The following MAGEA1 variants were observed in gnomAD, a reference collection of about 807,000 sequenced individuals.
MAGEA1 encodes the protein MAGE family member A1.
For missense variants in MAGEA1, 182 were observed against 233.7 expected (o/e 0.78, Z 1.44); for synonymous variants, 101 against 96.7 (o/e 1.04, Z -0.26).
intron 1 of MAGEA1, among the ~76,000 whole-genome samples, chrX:153,180,612 T>G (rs1163097654): frequency 2.7e-5 from 3 of 111,296 alleles, no homozygotes; most frequent in Non-Finnish European, 5.7e-5. Context: ...TGTCTGAGAC[T>G]GAGGCTGCCA....
chrX:153,182,443 C>T lies in MAGEA1; in HGVS notation c.54C>T (p.Ala18=). ...GCAAGCCTGAGGAAGCCCTTGAGGCCCAACAAGAGGCCCTGGGCCTGGTGT... is the reference window on the plus strand; with the variant it reads ...GCAAGCCTGAGGAAGCCCTTGAGGCTCAACAAGAGGCCCTGGGCCTGGTGT... ...LHCKPEEALE[A]QQEALGLVCV... The change falls in exon 3 of 3, where the codon GCC becomes GCT. Residue 18 remains alanine (A), a synonymous_variant. Transcript: ENST00000356661. The T allele has an allele frequency of 2.5e-6, 3 of 1,211,025 alleles. No individual in the cohort carries two copies. Among genetic ancestry groups the T allele is most frequent in the South Asian group, 3.5e-5 (2 of 56,811 alleles).
chrX:153,180,405 A>T (rs1359929918), intron 1 of MAGEA1, among the ~76,000 whole-genome samples: 1 of 109,920 alleles, frequency 9.1e-6, no homozygotes, highest in Non-Finnish European at 1.9e-5. Context: ...CCTACCCCCA[A>T]CCTCATCTTG....
rs782734083 is a variant in MAGEA1 at position 153,182,940 on chromosome X, G to C, written c.551G>C (p.Gly184Ala). 1 of 1,210,121 alleles carries C rather than the reference G, an allele frequency of 8.3e-7. No individual in the cohort carries two copies. Among genetic ancestry groups the C allele is most frequent in the Non-Finnish European group, 1.1e-6 (1 of 895,284 alleles). Residue 184 changes from glycine to alanine, a missense_variant, in exon 3 of 3, where the codon GGT (glycine) becomes GCT (alanine). Transcript: ENST00000356661. ...GGTCTCTCCTATGATGGCCTGCTGG[G>C]TGATAATCAGATCATGCCCAAGACA... ...CLGLSYDGLL[G>A]DNQIMPKTGF...
chrX:153,180,871 G>A (rs1201189618), intron 1 of MAGEA1, among the ~76,000 whole-genome samples: 1 of 111,563 alleles, frequency 9.0e-6, no homozygotes, highest in Non-Finnish European at 1.9e-5. Context: ...AGAGGGAGGA[G>A]TTCCAGGATC....
intron 1 of MAGEA1, among the ~76,000 whole-genome samples, chrX:153,180,247 T>C (rs1556943766): frequency 2.7e-5 from 3 of 110,317 alleles, no homozygotes. Context: ...CGGGGCAGGG[T>C]TGGTCAGGAG....
intron 1 of MAGEA1, among the ~76,000 whole-genome samples, chrX:153,181,328 C>T (rs950403196): frequency 3.6e-5 from 4 of 111,123 alleles, no homozygotes; most frequent in Non-Finnish European, 7.6e-5. Flanking sequence ...AAAGACAGAG[C>T]GGTCCCAGGA....
rs782390064 is a variant in MAGEA1 at position 153,182,494 on chromosome X, C to T, written c.105C>T (p.Ser35=). 1 of 1,211,411 alleles carries T rather than the reference C, an allele frequency of 8.3e-7. No individual in the cohort carries two copies. Among genetic ancestry groups the T allele is most frequent in the South Asian group, 1.8e-5 (1 of 56,976 alleles). The change falls in exon 3 of 3, where the codon TCC becomes TCT. Residue 35 remains serine (S), a synonymous_variant. Transcript: ENST00000356661. The stretch of plus-strand genomic sequence containing the variant: ...GTGTGCAGGCTGCCACCTCCTCCTC[C>T]TCTCCTCTGGTCCTGGGCACCCTGG... ...LVCVQAATSS[S]SPLVLGTLEE...
chrX:153,183,202 C>T lies in MAGEA1; in HGVS notation c.813C>T (p.Leu271=), dbSNP rs2233045. 0.13 allele frequency: 161,553 copies of T among 1,210,339 alleles called. 7,592 individuals are homozygous for T. The highest frequency in any genetic ancestry group is 0.2 in the South Asian group (11,381 of 56,835). The change falls in exon 3 of 3, where the codon CTC becomes CTT. Residue 271 remains leucine (L), a synonymous_variant. Transcript: ENST00000356661. The stretch of plus-strand genomic sequence containing the variant: ...AGTTCCTGTGGGGTCCAAGGGCCCT[C>T]GCTGAAACCAGCTATGTGAAAGTCC... ...RYEFLWGPRA[L]AETSYVKVLE...
chrX:153,180,131 A>T (rs2051485144), intron 1 of MAGEA1, among the ~76,000 whole-genome samples: 2 of 111,069 alleles, frequency 1.8e-5, no homozygotes, highest in Non-Finnish European at 3.8e-5. Context: ...CCCTGCTGCC[A>T]GCCCTGGACC....
At position 153,180,185 on chromosome X, in the gene MAGEA1, G is replaced by A. The variant is rs782464506; in HGVS notation, c.-139+820G>A. Among the ~76,000 whole-genome samples the A allele has an allele frequency of 9.0e-5, 10 of 111,104 alleles. No homozygotes were observed. The South Asian group carries it at 1.2e-3, about 13-fold the overall frequency. ...TCTCAGCTGGACCACCCCCCGTCCCGTCCCACTGCCACTTAACCCACAGGG... is the reference window on the plus strand; with the variant it reads ...TCTCAGCTGGACCACCCCCCGTCCCATCCCACTGCCACTTAACCCACAGGG... On this transcript the variant is annotated intron_variant, in intron 1 of 2. Transcript: ENST00000356661.
intron 1 of MAGEA1, among the ~76,000 whole-genome samples, chrX:153,180,525 CAG>C (rs2051487476): frequency 9.0e-6 from 1 of 111,640 alleles, no homozygotes; most frequent in Non-Finnish European, 1.9e-5. Flanking sequence ...AACAGGGCCT[CAG>C]GGGAGCAGAG....
At chrX:153,179,832 A>C (rs1374678333) in intron 1 of MAGEA1, among the ~76,000 whole-genome samples, 1 of 85,159 alleles carries the variant, frequency 1.2e-5, no homozygotes, top group Non-Finnish European at 2.4e-5. Flanking sequence ...CCCCAACCCC[A>C]CCCTCATCTC....
Position 153,183,203 on chromosome X carries a change from G to A in MAGEA1, c.814G>A (p.Ala272Thr), listed in dbSNP as rs782788272. The A allele has an allele frequency of 1.6e-6, 2 of 1,212,140 alleles. No individual in the cohort carries two copies. Among genetic ancestry groups the A allele is most frequent in the Middle Eastern group, 2.3e-4 (1 of 4,354 alleles). The change falls in exon 3 of 3, where the codon GCT becomes ACT. Residue 272 changes from alanine to threonine, a missense_variant. Transcript: ENST00000356661. ...YEFLWGPRAL[A>T]ETSYVKVLEY... Reference sequence around the variant, plus strand: ...GTTCCTGTGGGGTCCAAGGGCCCTCGCTGAAACCAGCTATGTGAAAGTCCT... The same window carrying A: ...GTTCCTGTGGGGTCCAAGGGCCCTCACTGAAACCAGCTATGTGAAAGTCCT...
rs1556944284 is a variant in MAGEA1 at position 153,183,429 on chromosome X, C to T, written c.*110C>T. ...TGTGACATGAGGCCCATTCTTCACT[C>T]TGAAGAGAGCGGTCAGTGTTCTCAG... On this transcript the variant is annotated 3_prime_UTR_variant, in exon 3 of 3. Coordinates refer to ENST00000356661, the MANE Select transcript of MAGEA1 (RefSeq NM_004988.5). The T allele has an allele frequency of 1.6e-5, 12 of 729,793 alleles. No individual in the cohort carries two copies. The highest frequency in any genetic ancestry group is 2.5e-5 in the Non-Finnish European group (12 of 486,657). The allele number at this position is 729,793 out of a possible 1,213,427, so 60.1% of individuals were successfully genotyped here. A position where few individuals can be genotyped will look rare whatever the true frequency, so the allele number is the denominator to read the frequency against.
intron 1 of MAGEA1, among the ~76,000 whole-genome samples, chrX:153,180,985 G>A (rs1188545312): frequency 9.0e-6 from 1 of 110,705 alleles, no homozygotes; most frequent in African/African-American, 3.3e-5. Context: ...TAGCTCTAGG[G>A]GGACCAGATC....
At chrX:153,180,567 C>G (rs1226840059) in intron 1 of MAGEA1, among the ~76,000 whole-genome samples, 1 of 111,321 alleles carries the variant, frequency 9.0e-6, no homozygotes, top group African/African-American at 3.3e-5. Context: ...TGAGGGAGGC[C>G]TCAGAGGACC....
chrX:153,180,714 A>G (rs1168840147), intron 1 of MAGEA1, among the ~76,000 whole-genome samples: 1 of 111,659 alleles, frequency 9.0e-6, no homozygotes, highest in African/African-American at 3.3e-5. Flanking sequence ...AAGAGGAGGG[A>G]GGACTCAGGG....
chrX:153,182,943 A>C lies in MAGEA1; in HGVS notation c.554A>C (p.Asp185Ala), dbSNP rs782105925. 1 of 1,211,816 alleles carries C rather than the reference A, an allele frequency of 8.3e-7. No homozygotes were observed. Among genetic ancestry groups the C allele is most frequent in the Non-Finnish European group, 1.1e-6 (1 of 895,520 alleles). The change falls in exon 3 of 3, where the codon GAT (aspartate) becomes GCT (alanine). Residue 185 changes from aspartate to alanine, a missense_variant. By Grantham distance (126) the Asp-to-Ala change is moderately radical. Transcript: ENST00000356661. Reference sequence around the variant, plus strand: ...CTCTCCTATGATGGCCTGCTGGGTGATAATCAGATCATGCCCAAGACAGGC... The same window carrying C: ...CTCTCCTATGATGGCCTGCTGGGTGCTAATCAGATCATGCCCAAGACAGGC... ...LGLSYDGLLGDNQIMPKTGFL... is the reference protein window; with the variant it reads ...LGLSYDGLLGANQIMPKTGFL...
At chrX:153,181,428 T>A (rs373533091) in intron 1 of MAGEA1, among the ~76,000 whole-genome samples, 124 of 111,660 alleles carry the variant, frequency 1.1e-3, no homozygotes, top group African/African-American at 3.8e-3. Flanking sequence ...AAATCAGCCC[T>A]GCCCCTGCTG....
Sources: gnomAD v4.1 joint callset for allele counts (sites outside exome capture counted in the v4.1 genomes callset) on GRCh38, gnomAD v4.1.1 for gene constraint, MANE v1.5 for transcripts, NCBI Gene and HGNC (gene_info 2026-07-23, HGNC 2026-07-21) for gene names.